The following RPRD2 variants were observed in gnomAD, a reference collection of about 807,000 sequenced individuals.
The protein encoded by RPRD2 is regulation of nuclear pre-mRNA domain containing 2.
In RPRD2, 12 loss-of-function variants were observed where a neutral mutation model predicts 104.4. The ratio of observed to expected loss-of-function variants is 0.11; its 90% CI spans 0.07 to 0.19. The LOEUF is 0.19. Among genes scored for constraint, RPRD2 ranks in the 10% least tolerant of loss-of-function variants. RPRD2 has a pLI of 1.00. For missense variants in RPRD2, 1,543 were observed against 1,790.1 expected, an observed-to-expected ratio of 0.86 and a Z score of 2.49; for synonymous variants, 714 against 684.9, an observed-to-expected ratio of 1.04 and a Z score of -0.66.
At chr1:150,383,104 C>T (rs2102139350) in intron 1 of RPRD2, among the ~76,000 whole-genome samples, 1 of 152,046 alleles carries the variant, frequency 6.6e-6, no homozygotes, top group East Asian at 1.9e-4. Flanking sequence ...TTGATCTTTC[C>T]CATCTCAGCC....
intron 2 of RPRD2, among the ~76,000 whole-genome samples, chr1:150,438,100 G>A (rs143386938): frequency 1.7e-4 from 26 of 149,062 alleles, no homozygotes; most frequent in African/African-American, 6.2e-4. Context: ...TGGCCAATAC[G>A]GTGAAACCCC....
chr1:150,433,439 A>ATTTTTTTTTTTTTTT (rs58544799), intron 2 of RPRD2, among the ~76,000 whole-genome samples: 1 of 90,396 alleles, frequency 1.1e-5, no homozygotes, highest in Admixed American at 1.5e-4. Context: ...CACAGACATA[A>ATTTTTTTTTTTTTTT]TTTTTTTTTT....
At chr1:150,377,430 C>G (rs1465372183) in intron 1 of RPRD2, among the ~76,000 whole-genome samples, 1 of 151,442 alleles carries the variant, frequency 6.6e-6, no homozygotes, top group South Asian at 2.1e-4. Flanking sequence ...AACCCCGTCT[C>G]TACTAAAAAT....
At chr1:150,470,474 G>T in intron 10 of RPRD2, 87 bp from the exon 11 acceptor site, 2 of 1,367,150 alleles carry the variant, frequency 1.5e-6, no homozygotes, top group Admixed American at 2.6e-5. Flanking sequence ...CCACCAAAAT[G>T]AATGAGAGTA....
chr1:150,403,417 A>G (rs1663213901), intron 1 of RPRD2, among the ~76,000 whole-genome samples: 3 of 152,066 alleles, frequency 2.0e-5, no homozygotes, highest in Admixed American at 6.6e-5. Context: ...CCATTAAACA[A>G]TAACTCTCCA....
At chr1:150,398,792 C>A (rs1662746080) in intron 1 of RPRD2, among the ~76,000 whole-genome samples, 2 of 152,116 alleles carry the variant, frequency 1.3e-5, no homozygotes, top group South Asian at 4.1e-4. Context: ...ATCCACCCTC[C>A]TCAGCCTCCC....
chr1:150,424,039 G>A (rs898990505), intron 2 of RPRD2, among the ~76,000 whole-genome samples: 3 of 152,000 alleles, frequency 2.0e-5, no homozygotes, highest in East Asian at 1.9e-4. Context: ...TGATCCACCC[G>A]CCTCGGCCTC....
At chr1:150,427,849 G>GA (rs1188797628) in intron 2 of RPRD2, among the ~76,000 whole-genome samples, 2 of 151,902 alleles carry the variant, frequency 1.3e-5, no homozygotes, top group Non-Finnish European at 2.9e-5. Flanking sequence ...TTTCTGTATA[G>GA]AAAAAATAAA....
chr1:150,383,922 T>C (rs1553881285), intron 1 of RPRD2, among the ~76,000 whole-genome samples: 1 of 152,142 alleles, frequency 6.6e-6, no homozygotes, highest in Admixed American at 6.6e-5. Context: ...ACTATAGTAG[T>C]GAACAAAAAT....
At chr1:150,383,365 A>AGT (rs1661296708) in intron 1 of RPRD2, among the ~76,000 whole-genome samples, 1 of 141,562 alleles carries the variant, frequency 7.1e-6, no homozygotes, top group Non-Finnish European at 1.5e-5. Flanking sequence ...GCTGGAGTGC[A>AGT]GTGCAGTGGC....
In RPRD2 at chr1:150,472,162, T is replaced by C; in HGVS notation, c.3214T>C (p.Leu1072=). ...RIETRVSSSC[L]DLPDSTEEKG... Reference sequence around the variant, plus strand: ...AGAAACCCGCGTCTCCTCCTCCTGCTTAGACTTGCCTGATAGCACAGAAGA... The same window carrying C: ...AGAAACCCGCGTCTCCTCCTCCTGCCTAGACTTGCCTGATAGCACAGAAGA... The change falls in exon 11 of 11, where the codon TTA becomes CTA. Residue 1072 remains leucine, a synonymous_variant. Transcript: ENST00000369068. 2 of 1,613,866 alleles carry C rather than the reference T, an allele frequency of 1.2e-6. No individual in the cohort carries two copies. Among genetic ancestry groups the C allele is most frequent in the South Asian group, 1.1e-5 (1 of 91,076 alleles).
chr1:150,381,721 G>A (rs1020802052), intron 1 of RPRD2, among the ~76,000 whole-genome samples: 1 of 151,900 alleles, frequency 6.6e-6, no homozygotes, highest in East Asian at 1.9e-4. Context: ...AGCCAGGATG[G>A]TCTCGATCTC....
chr1:150,386,808 G>C (rs587761319), intron 1 of RPRD2, among the ~76,000 whole-genome samples: 4 of 152,268 alleles, frequency 2.6e-5, no homozygotes, highest in Admixed American at 2.6e-4. Context: ...TACTCACAAT[G>C]CTTGAGCTCC....
rs188842459 is a variant in RPRD2 at position 150,411,722 on chromosome 1, C to T, written c.206-5874C>T. Among the ~76,000 whole-genome samples, 190 of 114,820 alleles carry T rather than the reference C, an allele frequency of 1.7e-3. 4 individuals are homozygous for T. The Admixed American group carries it at 0.017, about 10-fold the overall frequency. 75.3% of individuals were successfully genotyped at this position (114,820 alleles called of 152,430 possible). A position where few individuals can be genotyped will look rare whatever the true frequency, so the allele number is the denominator to read the frequency against. ...AAGAGAATTGCTTGAACCTGGGAGG[C>T]GGAGGTTGCAGTGAGCCAAGATCGC... On this transcript the variant is annotated intron_variant, in intron 1 of 10. Coordinates refer to ENST00000369068, the MANE Select transcript of RPRD2 (RefSeq NM_015203.5).
intron 4 of RPRD2, 145 bp from the exon 5 acceptor site, chr1:150,443,086 C>T (rs1482659295): frequency 3.4e-6 from 2 of 595,126 alleles, no homozygotes; most frequent in Admixed American, 6.0e-5. Flanking sequence ...ATTTCCTAGT[C>T]CATTATTTAT....
At chr1:150,386,727 CAT>C (rs1661595318) in intron 1 of RPRD2, among the ~76,000 whole-genome samples, 1 of 152,128 alleles carries the variant, frequency 6.6e-6, no homozygotes, top group East Asian at 1.9e-4. Flanking sequence ...TTTTTACTGA[CAT>C]ATGCAATTTT....
At chr1:150,415,512 G>A (rs1664268144) in intron 1 of RPRD2, among the ~76,000 whole-genome samples, 1 of 148,710 alleles carries the variant, frequency 6.7e-6, no homozygotes, top group Non-Finnish European at 1.5e-5. Flanking sequence ...GCAAACCCTT[G>A]TCTCTACTAA....
At chr1:150,452,399 A>T (rs376670192) in intron 7 of RPRD2, among the ~76,000 whole-genome samples, 2 of 152,118 alleles carry the variant, frequency 1.3e-5, no homozygotes, top group African/African-American at 4.8e-5. Context: ...GTTTTAAGCC[A>T]CTCATTTTGT....
rs186608181 is a variant in RPRD2 at position 150,434,919 on chromosome 1, G to C, written c.336-6004G>C. ...AAAATAACAGAATAGAATTTTTTTT[G>C]TGTGAAGAGAGGGCATACTTTGTTT... On this transcript the variant is annotated intron_variant, in intron 2 of 10. Transcript: ENST00000369068. 1.8e-3 allele frequency among the ~76,000 whole-genome samples: 271 copies of C among 152,224 alleles called. 1 individual carries two copies. The highest frequency in any genetic ancestry group is 6.1e-3 in the African/African-American group (253 of 41,556).
Sources: gnomAD v4.1 joint callset for allele counts (sites outside exome capture counted in the v4.1 genomes callset) on GRCh38, gnomAD v4.1.1 for gene constraint, MANE v1.5 for transcripts, NCBI Gene and HGNC (gene_info 2026-07-23, HGNC 2026-07-21) for gene names.